TASP1: variants seen among roughly 807,000 people sequenced by gnomAD.
TASP1 encodes the protein taspase 1.
Under a neutral mutation model 56.6 loss-of-function variants are expected in TASP1, and 16 were observed. That is an observed-to-expected ratio of 0.28 (90% CI 0.19 to 0.43). The LOEUF is 0.43. TASP1 is among the 20% of genes least tolerant of loss of function. The pLI, the probability that TASP1 is intolerant of heterozygous loss-of-function variation, is 1.00. For synonymous variants in TASP1, 179 were observed against 184.2 expected, an observed-to-expected ratio of 0.97 and a Z score of 0.23; for missense variants, 393 against 511.6, an observed-to-expected ratio of 0.77 and a Z score of 2.24.
At chr20:13,113,136 T>C in the TASP1 span, among the ~76,000 whole-genome samples, 2 of 152,062 alleles carry the variant, frequency 1.3e-5, no homozygotes, top group African/African-American at 4.8e-5. Flanking sequence ...TGAGCCAAGA[T>C]CATGCCACTG....
At chr20:13,543,799 T>C (rs1252921349) in intron 8 of TASP1, among the ~76,000 whole-genome samples, 1 of 152,202 alleles carries the variant, frequency 6.6e-6, no homozygotes, top group Non-Finnish European at 1.5e-5. Flanking sequence ...TTGAATCTCA[T>C]CAATAACTCA....
chr20:13,613,033 A>G (rs1308570367), intron 4 of TASP1, among the ~76,000 whole-genome samples: 3 of 152,208 alleles, frequency 2.0e-5, no homozygotes, highest in Non-Finnish European at 4.4e-5. Flanking sequence ...AAAATGCTCA[A>G]TGAAAAGAAG....
the TASP1 span, among the ~76,000 whole-genome samples, chr20:13,268,137 T>C: frequency 7.6e-3 from 1,138 of 150,648 alleles, 16 homozygotes; most frequent in African/African-American, 0.026. Flanking sequence ...TTCTCTTCTC[T>C]TCTCTTCTCT....
the TASP1 span, among the ~76,000 whole-genome samples, chr20:13,343,137 T>A: frequency 6.6e-6 from 1 of 152,106 alleles, no homozygotes; most frequent in African/African-American, 2.4e-5. Flanking sequence ...AGAGCCCCAC[T>A]CAGTGACATT....
At chr20:13,125,107 T>C in the TASP1 span, among the ~76,000 whole-genome samples, 28 of 152,274 alleles carry the variant, frequency 1.8e-4, no homozygotes, top group East Asian at 5.2e-3. Context: ...ACTGTATAGG[T>C]GGGCTGATGG....
At chr20:13,263,012 T>C in the TASP1 span, among the ~76,000 whole-genome samples, 1 of 152,188 alleles carries the variant, frequency 6.6e-6, no homozygotes, top group Non-Finnish European at 1.5e-5. Context: ...TCCTGAATTC[T>C]TGAGCCCATG....
intron 2 of TASP1, among the ~76,000 whole-genome samples, chr20:13,629,688 T>C (rs1005480406): frequency 2.0e-5 from 3 of 152,100 alleles, no homozygotes; most frequent in Non-Finnish European, 4.4e-5. Flanking sequence ...ATCTATTACA[T>C]AGAGTTAAAG....
chr20:13,344,498 A>G, the TASP1 span, among the ~76,000 whole-genome samples: 1 of 152,216 alleles, frequency 6.6e-6, no homozygotes, highest in South Asian at 2.1e-4. Flanking sequence ...AAAGAGAGCT[A>G]AAATCAGAGA....
intron 10 of TASP1, among the ~76,000 whole-genome samples, chr20:13,515,437 A>G (rs1232951555): frequency 2.0e-5 from 3 of 152,034 alleles, no homozygotes; most frequent in African/African-American, 7.2e-5. Context: ...GTGGACCAGC[A>G]GCACTGGCAT....
rs190893647 is a variant in TASP1, at chr20:13,581,782, A to G, written c.404-801T>C. ...TAATGTGCTCCAGGCCCAGTGCCAA[A>G]TTCTTAAATCTATCGGATGAGTTAG... On this transcript the variant is annotated intron_variant, in intron 5 of 13. Transcript: ENST00000337743. Among the ~76,000 whole-genome samples the G allele has an allele frequency of 2.7e-3, 418 of 152,320 alleles. 1 individual carries two copies. The highest frequency in any genetic ancestry group is 9.4e-3 in the African/African-American group (390 of 41,562).
At chr20:13,389,068 T>TCCAGAA (rs1165402046), downstream of TASP1, among the ~76,000 whole-genome samples, 1 of 152,228 alleles carries the variant, frequency 6.6e-6, no homozygotes, top group Non-Finnish European at 1.5e-5. Context: ...AATCTTGGTT[T>TCCAGAA]TCTTATGTGG....
At chr20:13,333,978 A>G in the TASP1 span, among the ~76,000 whole-genome samples, 1 of 152,246 alleles carries the variant, frequency 6.6e-6, no homozygotes, top group East Asian at 1.9e-4. Flanking sequence ...TATGATCCCA[A>G]CTGGAGAGGA....
At chr20:13,441,528 G>A (rs1298022195) in intron 11 of TASP1, among the ~76,000 whole-genome samples, 1 of 152,198 alleles carries the variant, frequency 6.6e-6, no homozygotes, top group African/African-American at 2.4e-5. Context: ...TCTGAGGAAA[G>A]ACCATTCCAG....
rs546846993 is a variant in TASP1 at position 13,541,394 on chromosome 20, A to G, written c.676-7253T>C. ...ATTAAAGACATTTATCAATATATAA[A>G]TAAATCCAATGAGTTCACTGCCAGG... On this transcript the variant is annotated intron_variant, in intron 8 of 13. Transcript: ENST00000337743. Among the ~76,000 whole-genome samples, 3 of 152,296 alleles carry G rather than the reference A, an allele frequency of 2.0e-5. No homozygotes were observed. The South Asian group carries it at 6.2e-4, about 32-fold the overall frequency.
At chr20:13,148,883 C>T in the TASP1 span, among the ~76,000 whole-genome samples, 1 of 152,214 alleles carries the variant, frequency 6.6e-6, no homozygotes, top group Non-Finnish European at 1.5e-5. Context: ...GGCAATTCCC[C>T]TTTCAACGAC....
intron 13 of TASP1, among the ~76,000 whole-genome samples, chr20:13,399,995 C>T (rs2041678134): frequency 6.6e-6 from 1 of 152,210 alleles, no homozygotes; most frequent in Admixed American, 6.5e-5. Flanking sequence ...AGACTTTACT[C>T]GAATGACACC....
the TASP1 span, chr20:13,221,938 C>G: frequency 1.1e-5 from 15 of 1,315,712 alleles, no homozygotes; most frequent in South Asian, 1.7e-4. Context: ...CGGAGAGGGC[C>G]GTGCGCGGCT....
the TASP1 span, among the ~76,000 whole-genome samples, chr20:13,232,097 C>T: frequency 6.6e-6 from 1 of 152,294 alleles, no homozygotes; most frequent in Non-Finnish European, 1.5e-5. Context: ...ACAGGTAACC[C>T]TGGGAGATGG....
chr20:13,211,971 G>A, the TASP1 span, among the ~76,000 whole-genome samples: 2 of 152,118 alleles, frequency 1.3e-5, no homozygotes, highest in Admixed American at 1.3e-4. Flanking sequence ...AGAAATTGCT[G>A]ACCCTCACTC....
Sources: allele counts gnomAD v4.1 joint callset (sites outside exome capture counted in the v4.1 genomes callset), GRCh38; gene constraint gnomAD v4.1.1; transcripts MANE v1.5; gene names NCBI Gene and HGNC (gene_info 2026-07-23, HGNC 2026-07-21).